Variants in NELL1 observed in about 807,000 individuals in gnomAD.
NELL1 encodes the protein neural EGFL like 1, also known as protein kinase C-binding protein NELL1.
Under a neutral mutation model 107.4 loss-of-function variants are expected in NELL1, and 76 were observed. That is an observed-to-expected ratio of 0.71 (90% confidence interval 0.59 to 0.86). The LOEUF is 0.86. NELL1 is among the 40% of genes least tolerant of loss of function. The pLI is 0.00. For missense variants in NELL1, 1,024 were observed against 1,005.5 expected (o/e 1.02, Z -0.25); for synonymous variants, 353 against 341.2 (o/e 1.03, Z -0.38).
intron 12 of NELL1, among the ~76,000 whole-genome samples, chr11:21,079,031 A>C (rs1339922607): frequency 6.6e-6 from 1 of 151,514 alleles, no homozygotes. Context: ...AAGTTATAAG[A>C]CTGATAACTA....
intron 4 of NELL1, among the ~76,000 whole-genome samples, chr11:20,866,439 C>T (rs779961105): frequency 6.6e-6 from 1 of 152,178 alleles, no homozygotes; most frequent in East Asian, 1.9e-4. Context: ...AAGATGGACT[C>T]TCTGGTAAGG....
At chr11:20,712,732 T>G (rs1842158552) in intron 2 of NELL1, among the ~76,000 whole-genome samples, 1 of 152,104 alleles carries the variant, frequency 6.6e-6, no homozygotes, top group African/African-American at 2.4e-5. Flanking sequence ...TAGACTACAG[T>G]GATTGTTATT....
rs908405410 is a variant in NELL1 at position 21,426,520 on chromosome 11, G to A, written c.1645+55572G>A. ...AAATATTCTTGAGGAGACATACTATGACAAATTTCATATCTCTGCATAGGC... is the reference window on the plus strand; with the variant it reads ...AAATATTCTTGAGGAGACATACTATAACAAATTTCATATCTCTGCATAGGC... On this transcript the variant is annotated intron_variant, in intron 15 of 19. Transcript: ENST00000357134. Among the ~76,000 whole-genome samples the A allele has an allele frequency of 2.0e-5, 3 of 152,304 alleles. No homozygotes were observed. In the East Asian group the frequency reaches 5.8e-4, roughly 29 times the overall value.
chr11:20,678,308 A>G (rs1854112517), intron 2 of NELL1, among the ~76,000 whole-genome samples: 1 of 152,152 alleles, frequency 6.6e-6, no homozygotes, highest in African/African-American at 2.4e-5. Context: ...CTAAAGTGGG[A>G]TGGATTTATA....
intron 12 of NELL1, among the ~76,000 whole-genome samples, chr11:21,014,347 T>G (rs1338139584): frequency 6.6e-6 from 1 of 152,092 alleles, no homozygotes; most frequent in East Asian, 1.9e-4. Flanking sequence ...TTTCCTTTTC[T>G]TTTCTCCCTG....
chr11:20,929,344 A>C (rs1341288289), intron 9 of NELL1, among the ~76,000 whole-genome samples: 5 of 152,292 alleles, frequency 3.3e-5, no homozygotes, highest in South Asian at 2.1e-4. Flanking sequence ...CATGTCACCT[A>C]TTATGACACT....
chr11:20,773,317 G>A (rs1320227038), intron 2 of NELL1, among the ~76,000 whole-genome samples: 2 of 152,132 alleles, frequency 1.3e-5, no homozygotes, highest in Non-Finnish European at 1.5e-5. Flanking sequence ...CAGATGTCAT[G>A]TGCTGCTTAT....
chr11:21,173,815 A>G (rs1009021442), intron 13 of NELL1, among the ~76,000 whole-genome samples: 13 of 151,562 alleles, frequency 8.6e-5, no homozygotes, highest in African/African-American at 2.9e-4. Flanking sequence ...ACAGGAATTC[A>G]GTGGAAGACC....
intron 15 of NELL1, among the ~76,000 whole-genome samples, chr11:21,424,580 C>T (rs1047499597): frequency 2.6e-5 from 4 of 152,050 alleles, no homozygotes; most frequent in African/African-American, 9.7e-5. Context: ...GAGACCTCAC[C>T]ACTGAACTCC....
intron 3 of NELL1, among the ~76,000 whole-genome samples, chr11:20,828,630 T>C (rs563135242): frequency 6.6e-6 from 1 of 152,342 alleles, no homozygotes; most frequent in African/African-American, 2.4e-5. Context: ...TTCTGACTTC[T>C]GCCTGCCTTC....
intron 2 of NELL1, among the ~76,000 whole-genome samples, chr11:20,774,275 CT>C (rs2133972478): frequency 7.1e-6 from 1 of 141,512 alleles, no homozygotes; most frequent in Non-Finnish European, 1.5e-5. Flanking sequence ...TCTCTCCTTC[CT>C]TTCTTTCCCT....
chr11:21,320,229 G>T (rs1279721063), intron 14 of NELL1, among the ~76,000 whole-genome samples: 1 of 152,118 alleles, frequency 6.6e-6, no homozygotes, highest in Non-Finnish European at 1.5e-5. Flanking sequence ...CTACTTGAAT[G>T]TGAGCCTGTG....
intron 3 of NELL1, among the ~76,000 whole-genome samples, chr11:20,826,593 T>G (rs1857889420): frequency 6.6e-6 from 1 of 151,262 alleles, no homozygotes; most frequent in East Asian, 1.9e-4. Context: ...AACTCCTCTC[T>G]GGACACTCCT....
chr11:21,524,448 A>G (rs1042844665), intron 15 of NELL1, among the ~76,000 whole-genome samples: 2 of 152,196 alleles, frequency 1.3e-5, no homozygotes, highest in African/African-American at 4.8e-5. Context: ...GGGGTGGTAG[A>G]ACTGTTAAAC....
At chr11:20,825,874 A>G (rs558437851) in intron 3 of NELL1, among the ~76,000 whole-genome samples, 24 of 151,312 alleles carry the variant, frequency 1.6e-4, no homozygotes, top group African/African-American at 5.5e-4. Flanking sequence ...GTCCGGCTCT[A>G]TGTCCCCACC....
intron 15 of NELL1, among the ~76,000 whole-genome samples, chr11:21,371,427 A>G (rs781496288): frequency 6.6e-6 from 1 of 152,096 alleles, no homozygotes; most frequent in African/African-American, 2.4e-5. Flanking sequence ...TTTATTAGGA[A>G]CATTATCATT....
intron 15 of NELL1, among the ~76,000 whole-genome samples, chr11:21,385,735 A>G (rs368766636): frequency 2.3e-4 from 35 of 152,048 alleles, no homozygotes; most frequent in African/African-American, 7.7e-4. Flanking sequence ...CAGTGCTTTC[A>G]TTATAAACAC....
At chr11:21,443,120 A>G (rs925227822) in intron 15 of NELL1, among the ~76,000 whole-genome samples, 3 of 151,992 alleles carry the variant, frequency 2.0e-5, no homozygotes, top group African/African-American at 7.2e-5. Context: ...ATATCCAGTG[A>G]GGGTTTTCTT....
intron 14 of NELL1, among the ~76,000 whole-genome samples, chr11:21,256,266 C>T (rs1858765906): frequency 6.6e-6 from 1 of 152,006 alleles, no homozygotes; most frequent in African/African-American, 2.4e-5. Context: ...TATTTGCTCT[C>T]TCTGAGAACT....
Sources: gnomAD v4.1 joint callset for allele counts (sites outside exome capture counted in the v4.1 genomes callset) on GRCh38, gnomAD v4.1.1 for gene constraint, MANE v1.5 for transcripts, NCBI Gene and HGNC (gene_info 2026-07-23, HGNC 2026-07-21) for gene names.